The following AFF1 variants were observed in gnomAD, a reference collection of about 807,000 sequenced individuals.
AFF1 encodes AF4/FMR2 family member 1.
In AFF1, 48 loss-of-function variants were observed where a neutral mutation model predicts 121.7. The observed-to-expected ratio is 0.39, with a 90% confidence interval of 0.31 to 0.50. AFF1 has a LOEUF of 0.50. AFF1 is among the 20% of genes least tolerant of loss of function. AFF1 has a pLI of 0.76. For missense variants in AFF1, 1,523 were observed against 1,511.7 expected (o/e 1.01, Z -0.12); for synonymous variants, 613 against 563.0 (o/e 1.09, Z -1.26).
chr4:87,122,838 T>C (rs1727830823), intron 12 of AFF1, among the ~76,000 whole-genome samples: 2 of 109,204 alleles, frequency 1.8e-5, no homozygotes, highest in Admixed American at 1.1e-4. Context: ...ACTTTTCTAA[T>C]ACCACATTAA....
intron 4 of AFF1, among the ~76,000 whole-genome samples, chr4:87,083,362 T>C (rs1441125547): frequency 6.6e-6 from 1 of 152,254 alleles, no homozygotes; most frequent in Non-Finnish European, 1.5e-5. Context: ...CGTCTGTGTA[T>C]GTATATATGC....
intron 2 of AFF1, among the ~76,000 whole-genome samples, chr4:86,984,206 T>C (rs1724018944): frequency 6.6e-6 from 1 of 152,180 alleles, no homozygotes; most frequent in Non-Finnish European, 1.5e-5. Context: ...TTTTTCCTGT[T>C]GATGATTAAG....
intron 2 of AFF1, among the ~76,000 whole-genome samples, chr4:86,965,206 A>G (rs112281481): frequency 3.9e-5 from 6 of 152,382 alleles, no homozygotes; most frequent in East Asian, 1.9e-4. Context: ...AGGCATCTAT[A>G]TAAAGTCTTC....
intron 2 of AFF1, among the ~76,000 whole-genome samples, chr4:87,022,664 G>GTATATATATAGC (rs1248829168): frequency 1.2e-4 from 17 of 144,732 alleles, no homozygotes; most frequent in African/African-American, 4.2e-4. Context: ...ATATATATGT[G>GTATATATATAGC]TGTGTATATA....
At chr4:86,971,219 C>T (rs1347352552) in intron 2 of AFF1, among the ~76,000 whole-genome samples, 1 of 152,172 alleles carries the variant, frequency 6.6e-6, no homozygotes, top group East Asian at 1.9e-4. Context: ...GGGACCAGGT[C>T]CTGAGTTTTC....
intron 8 of AFF1, among the ~76,000 whole-genome samples, chr4:87,098,117 A>C (rs527509865): frequency 2.0e-5 from 3 of 152,308 alleles, no homozygotes; most frequent in African/African-American, 7.2e-5. Context: ...AGACAAGTGG[A>C]ATAGGACATA....
intron 4 of AFF1, among the ~76,000 whole-genome samples, chr4:87,070,853 G>A (rs1721961913): frequency 6.6e-6 from 1 of 152,192 alleles, no homozygotes; most frequent in South Asian, 2.1e-4. Flanking sequence ...TTTGTAGGGG[G>A]TGTAAATTTA....
At chr4:87,011,103 A>G (rs966910746) in intron 2 of AFF1, among the ~76,000 whole-genome samples, 5 of 151,732 alleles carry the variant, frequency 3.3e-5, no homozygotes, top group Non-Finnish European at 5.9e-5. Context: ...AAAAAGAAAA[A>G]AAAAATCACC....
intron 2 of AFF1, among the ~76,000 whole-genome samples, chr4:86,966,639 C>G (rs1722560099): frequency 6.6e-6 from 1 of 151,786 alleles, no homozygotes; most frequent in South Asian, 2.1e-4. Flanking sequence ...ATTTTTGACT[C>G]CTTAAGAGTT....
chr4:87,061,354 C>A (rs1048760698), intron 4 of AFF1, among the ~76,000 whole-genome samples: 2 of 152,158 alleles, frequency 1.3e-5, no homozygotes, highest in East Asian at 3.8e-4. Context: ...CTGAAGATAT[C>A]CATAGTACCT....
At chr4:87,079,098 A>G (rs1722932736) in intron 4 of AFF1, among the ~76,000 whole-genome samples, 1 of 152,186 alleles carries the variant, frequency 6.6e-6, no homozygotes, top group Admixed American at 6.5e-5. Flanking sequence ...TCTAGAATCC[A>G]AGATCTTTTG....
intron 1 of AFF1, among the ~76,000 whole-genome samples, chr4:86,936,973 G>A (rs986106616): frequency 2.6e-5 from 4 of 152,236 alleles, no homozygotes; most frequent in African/African-American, 7.2e-5. Context: ...ATTTGGGATA[G>A]ATTTGGTCAC....
intron 2 of AFF1, among the ~76,000 whole-genome samples, chr4:87,021,057 C>T (rs913028687): frequency 7.9e-5 from 12 of 152,114 alleles, no homozygotes; most frequent in African/African-American, 2.9e-4. Flanking sequence ...TTCACTGTAC[C>T]TTTGTATGCG....
At chr4:87,053,986 T>A (rs891451117) in intron 4 of AFF1, among the ~76,000 whole-genome samples, 2 of 152,148 alleles carry the variant, frequency 1.3e-5, no homozygotes, top group Non-Finnish European at 2.9e-5. Context: ...TTAAGCAGTG[T>A]CAGTATTCCA....
intron 4 of AFF1, among the ~76,000 whole-genome samples, chr4:87,070,832 A>T (rs1578190334): frequency 6.6e-6 from 1 of 152,236 alleles, no homozygotes. Flanking sequence ...ATAGTTTGTG[A>T]TCTGTCTATA....
intron 2 of AFF1, among the ~76,000 whole-genome samples, chr4:86,953,438 T>C (rs952558961): frequency 6.6e-6 from 1 of 152,256 alleles, no homozygotes; most frequent in African/African-American, 2.4e-5. Context: ...AATTGAAGTC[T>C]GAACGTGAAC....
chr4:87,125,098 A>C lies in AFF1; in HGVS notation c.2528A>C (p.Gln843Pro). 6.2e-7 allele frequency: 1 copy of C among 1,610,736 alleles called. No individual in the cohort carries two copies. Among genetic ancestry groups the C allele is most frequent in the Admixed American group, 1.7e-5 (1 of 59,756 alleles). The change falls in exon 13 of 21, where the codon CAG becomes CCG. Residue 843 changes from glutamine to proline, a missense_variant. Coordinates refer to ENST00000395146, the MANE Select transcript of AFF1 (RefSeq NM_001166693.3). ...AGACTGGAGAAGGAAATCAAATCACAGTCATCTTCATCTTCATCCTCCCAC... is the reference window on the plus strand; with the variant it reads ...AGACTGGAGAAGGAAATCAAATCACCGTCATCTTCATCTTCATCCTCCCAC... ...KIRLEKEIKS[Q>P]SSSSSSSHKE...
intron 2 of AFF1, 73 bp from the exon 3 acceptor site, chr4:87,046,093 T>C (rs1730657548): frequency 2.5e-6 from 4 of 1,576,160 alleles, no homozygotes; most frequent in African/African-American, 1.4e-5. Context: ...CCTTCTCACA[T>C]GTAAGTATGC....
intron 2 of AFF1, among the ~76,000 whole-genome samples, chr4:86,999,948 C>A (rs1725553892): frequency 6.6e-6 from 1 of 152,098 alleles, no homozygotes; most frequent in African/African-American, 2.4e-5. Context: ...CTGGAGCATC[C>A]TGTAGTAACA....
Sources: gnomAD v4.1 joint callset for allele counts (sites outside exome capture counted in the v4.1 genomes callset) on GRCh38, gnomAD v4.1.1 for gene constraint, MANE v1.5 for transcripts, NCBI Gene and HGNC (gene_info 2026-07-23, HGNC 2026-07-21) for gene names.